RMND5A: variants seen among roughly 807,000 people sequenced by gnomAD.
RMND5A encodes required for meiotic nuclear division 5 homolog A.
In RMND5A, 17 loss-of-function variants were observed where a neutral mutation model predicts 49.7. The observed-to-expected ratio is 0.34, with a 90% CI of 0.23 to 0.51. The LOEUF (loss-of-function observed/expected upper bound fraction) is 0.51, where lower values mean the gene tolerates loss of function less well. Among genes scored for constraint, RMND5A ranks in the 20% least tolerant of loss-of-function variants. The pLI is 0.96. For synonymous variants in RMND5A, 156 were observed against 167.7 expected (o/e 0.93, Z 0.54); for missense variants, 255 against 471.3 (o/e 0.54, Z 4.25).
chr2:86,770,209 C>A (rs1038300020), intron 7 of RMND5A, 84 bp downstream of exon 7: 4 of 981,780 alleles, frequency 4.1e-6, no homozygotes, highest in Non-Finnish European at 6.5e-6. Context: ...TACCTTTTAA[C>A]CAGGAAACAT....
intron 6 of RMND5A, among the ~76,000 whole-genome samples, chr2:86,767,490 A>C (rs1668365284): frequency 7.2e-6 from 1 of 139,510 alleles, no homozygotes; most frequent in Non-Finnish European, 1.5e-5. Flanking sequence ...TATGTTGTTC[A>C]GGTTGGACTC....
At chr2:86,767,013 T>A (rs1047719587) in intron 6 of RMND5A, among the ~76,000 whole-genome samples, 1 of 152,180 alleles carries the variant, frequency 6.6e-6, no homozygotes, top group Non-Finnish European at 1.5e-5. Context: ...TTTTGAGTTA[T>A]GAGCTAGCTG....
At chr2:86,758,330 T>C (rs1367830108) in intron 4 of RMND5A, among the ~76,000 whole-genome samples, 1 of 152,230 alleles carries the variant, frequency 6.6e-6, no homozygotes, top group African/African-American at 2.4e-5. Context: ...TGAAAAATTT[T>C]GAAGTATTTG....
At chr2:86,745,272 T>C (rs1681517574) in intron 2 of RMND5A, among the ~76,000 whole-genome samples, 1 of 152,226 alleles carries the variant, frequency 6.6e-6, no homozygotes, top group Non-Finnish European at 1.5e-5. Context: ...GCTGACCACA[T>C]ACTACATGTC....
In RMND5A at chr2:86,774,148, T is replaced by C. The variant is rs1460965083; in HGVS notation, c.*737T>C. The C allele has an allele frequency of 6.5e-6, 1 of 152,674 alleles. No homozygotes were observed. The highest frequency in any genetic ancestry group is 1.9e-4 in the East Asian group (1 of 5,198). The allele number at this position is 152,674 out of a possible 1,614,324, so 9.5% of individuals were successfully genotyped here. A position where few individuals can be genotyped will look rare whatever the true frequency, so the allele number is the denominator to read the frequency against. ...TGTTTGTTTTTTGTTTTTGCTTTTATTGCCAAGAGGTGCTTGTTTTAAAAG... is the reference window on the plus strand; with the variant it reads ...TGTTTGTTTTTTGTTTTTGCTTTTACTGCCAAGAGGTGCTTGTTTTAAAAG... On this transcript the variant is annotated 3_prime_UTR_variant, in exon 9 of 9. Coordinates refer to ENST00000283632, the MANE Select transcript of RMND5A (RefSeq NM_022780.4).
In RMND5A at chr2:86,765,159, A is replaced by G; in HGVS notation, c.654A>G (p.Lys218=). 6.2e-7 allele frequency: 1 copy of G among 1,613,280 alleles called. No homozygotes were observed. The highest frequency in any genetic ancestry group is 8.5e-7 in the Non-Finnish European group (1 of 1,179,802). Residue 218 remains lysine (K), a synonymous_variant, in exon 5 of 9, where the codon AAA becomes AAG. Transcript: ENST00000283632. The part of the protein sequence containing the change: ...TNQREALQYA[K]NFQPFALNHQ... ...AGCGAGAGGCATTACAATATGCTAA[A>G]AATTTTCAGCCATTTGCCCTAAATC...
chr2:86,765,984 G>T lies in RMND5A; in HGVS notation c.814G>T (p.Ala272Ser), dbSNP rs1672584675. ...TGACATCTTTACACGGGATGCTTGT[G>T]CCCTCCTGGGGCTCTCCGTGGAGTC... ...ICDIFTRDACALLGLSVESPL... is the reference protein window; with the variant it reads ...ICDIFTRDACSLLGLSVESPL... Residue 272 changes from alanine (A) to serine (S), a missense_variant, in exon 6 of 9, where the codon GCC becomes TCC. By Grantham distance (99) the Ala-to-Ser change is moderately conservative. This residue lies in a region of RMND5A where 208 missense variants were observed against 339.8 expected (regional missense o/e 0.61). Transcript: ENST00000283632. The T allele has an allele frequency of 6.2e-7, 1 of 1,614,170 alleles. No individual in the cohort carries two copies. Among genetic ancestry groups the T allele is most frequent in the East Asian group, 2.2e-5 (1 of 44,886 alleles).
intron 2 of RMND5A, among the ~76,000 whole-genome samples, chr2:86,741,378 GGAGT>G (rs1424153410): frequency 6.6e-6 from 1 of 152,040 alleles, no homozygotes; most frequent in East Asian, 1.9e-4. Context: ...CCAGTATGTG[GGAGT>G]TTGTTTACCA....
At chr2:86,744,529 G>C (rs1178351710) in intron 2 of RMND5A, among the ~76,000 whole-genome samples, 1 of 152,154 alleles carries the variant, frequency 6.6e-6, no homozygotes, top group East Asian at 1.9e-4. Context: ...TGAGCAGGCT[G>C]GTTTTGAGTG....
chr2:86,744,391 G>C (rs1681501483), intron 2 of RMND5A, among the ~76,000 whole-genome samples: 1 of 152,082 alleles, frequency 6.6e-6, no homozygotes, highest in East Asian at 1.9e-4. Context: ...GTGGCATAAG[G>C]CTTTTAAGAA....
intron 2 of RMND5A, among the ~76,000 whole-genome samples, chr2:86,743,815 A>G (rs1375296110): frequency 6.6e-6 from 1 of 151,810 alleles, no homozygotes; most frequent in Non-Finnish European, 1.5e-5. Flanking sequence ...GCAAACTCCC[A>G]TCTCTACTAA....
intron 2 of RMND5A, among the ~76,000 whole-genome samples, chr2:86,746,338 C>G (rs572182058): frequency 2.1e-4 from 32 of 152,268 alleles, no homozygotes; most frequent in Admixed American, 1.9e-3. Context: ...AATACAGAAG[C>G]AGAAGGTTTG....
chr2:86,760,511 C>T (rs183001199), intron 4 of RMND5A, among the ~76,000 whole-genome samples: 10 of 152,360 alleles, frequency 6.6e-5, no homozygotes, highest in Non-Finnish European at 1.5e-4. Context: ...ACAGACTTCT[C>T]TGCCAGCTCT....
chr2:86,770,844 A>T (rs1672674454), intron 7 of RMND5A, among the ~76,000 whole-genome samples: 1 of 152,202 alleles, frequency 6.6e-6, no homozygotes, highest in South Asian at 2.1e-4. Flanking sequence ...AGGTCATTGT[A>T]TGTATGTTTC....
At position 86,720,663 on chromosome 2, in the gene RMND5A, C is replaced by T. The variant is rs1261802506; in HGVS notation, c.-5C>T. The T allele has an allele frequency of 1.3e-6, 2 of 1,547,232 alleles. No homozygotes were observed. Among genetic ancestry groups the T allele is most frequent in the African/African-American group, 2.8e-5 (2 of 70,714 alleles). On this transcript the variant is annotated 5_prime_UTR_variant, in exon 1 of 9. Transcript: ENST00000283632. ...GCCGAGGAGCCGAGCGCCGCCGCCT[C>T]CGGCATGGATCAGTGCGTGACGGTG...
chr2:86,720,849 GC>G, intron 1 of RMND5A, 40 bp downstream of exon 1: 1 of 1,521,626 alleles, frequency 6.6e-7, no homozygotes, highest in Non-Finnish European at 8.8e-7. Flanking sequence ...ATGGCCCACT[GC>G]CCGAGCCCCG....
At position 86,777,887 on chromosome 2, in the gene RMND5A, A is replaced by G. The variant is rs1190024214; in HGVS notation, c.*4476A>G. 1 of 152,222 alleles carries G rather than the reference A, an allele frequency of 6.6e-6. No homozygotes were observed. Among genetic ancestry groups the G allele is most frequent in the Non-Finnish European group, 1.5e-5 (1 of 68,042 alleles). 9.4% of individuals were successfully genotyped at this position (152,222 alleles called of 1,614,324 possible). On this transcript the variant is annotated 3_prime_UTR_variant, in exon 9 of 9. Coordinates refer to ENST00000283632, the MANE Select transcript of RMND5A (RefSeq NM_022780.4). ...CAGGGAATTCATTTTAACTTTAAGA[A>G]TTCTGATATATTTAATTTATAAATT...
intron 4 of RMND5A, among the ~76,000 whole-genome samples, chr2:86,758,965 T>G (rs1440147770): frequency 2.0e-5 from 3 of 152,198 alleles, no homozygotes; most frequent in Non-Finnish European, 4.4e-5. Flanking sequence ...TTCATTCCCC[T>G]GAACTTCAGC....
chr2:86,754,742 G>T (rs971024695), intron 4 of RMND5A, among the ~76,000 whole-genome samples: 2 of 151,764 alleles, frequency 1.3e-5, no homozygotes, highest in Non-Finnish European at 2.9e-5. Context: ...ATTTTTTTTT[G>T]TAGAGACAGG....
Sources: allele counts gnomAD v4.1 joint callset (sites outside exome capture counted in the v4.1 genomes callset), GRCh38; gene constraint gnomAD v4.1.1; regional missense constraint gnomAD v4.1.1; transcripts MANE v1.5; gene names NCBI Gene and HGNC (gene_info 2026-07-23, HGNC 2026-07-21).